The following INPP5B variants were observed in gnomAD, a reference collection of about 807,000 sequenced individuals.
INPP5B encodes the protein type II inositol 1,4,5-trisphosphate 5-phosphatase.
A neutral mutation model predicts 118.5 loss-of-function variants in INPP5B; 90 were observed. That is an observed-to-expected ratio of 0.76 (90% CI 0.64 to 0.90). The LOEUF is 0.90. INPP5B is among the 40% of genes least tolerant of loss of function. INPP5B has a pLI of 0.00. For synonymous variants in INPP5B, 385 were observed against 418.9 expected (o/e 0.92, Z 0.99); for missense variants, 984 against 1,125.6 (o/e 0.87, Z 1.80).
chr1:37,892,692 C>T (rs1046254185), intron 7 of INPP5B, among the ~76,000 whole-genome samples: 2 of 152,186 alleles, frequency 1.3e-5, no homozygotes, highest in African/African-American at 2.4e-5. Flanking sequence ...AATAATTACA[C>T]CTCAATGCCT....
chr1:37,923,036 G>A (rs12723117), intron 7 of INPP5B, among the ~76,000 whole-genome samples: 87,844 of 151,996 alleles, frequency 0.58, 27,668 homozygotes, highest in Non-Finnish European at 0.71. Context: ...ACCAGGAAGC[G>A]GGGAGGGCAA....
chr1:37,883,045 G>C, intron 13 of INPP5B, 127 bp from the exon 14 acceptor site: 1 of 1,445,778 alleles, frequency 6.9e-7, no homozygotes, highest in Non-Finnish European at 9.1e-7. Flanking sequence ...TGGCTCAACT[G>C]TTCGGAAAAT....
rs369913128 is a variant in INPP5B at position 37,868,481 on chromosome 1, A to G, written c.2301+20T>C. The G allele has an allele frequency of 9.0e-6, 14 of 1,561,010 alleles. No individual in the cohort carries two copies. The African/African-American group carries it at 1.5e-4, about 17-fold the overall frequency. On this transcript the variant is annotated intron_variant, in intron 20 of 23. Transcript: ENST00000373024. ...GGCAGCCTGGCCTCAATCAGGTCTGAATGCTTAAACACAACCTACCTGCTG... is the reference window on the plus strand; with the variant it reads ...GGCAGCCTGGCCTCAATCAGGTCTGGATGCTTAAACACAACCTACCTGCTG...
chr1:37,906,047 GTGCAATAAGAATCTGTTTCTTTT>G (rs1179335038), intron 7 of INPP5B, among the ~76,000 whole-genome samples: 12 of 152,192 alleles, frequency 7.9e-5, no homozygotes, highest in African/African-American at 2.9e-4. Flanking sequence ...ATTTGCATAA[GTGCAATAAGAATCTGTTTCTTTT>G]TGCAATAGGA....
At chr1:37,925,343 C>T (rs1645189459) in intron 7 of INPP5B, among the ~76,000 whole-genome samples, 1 of 152,134 alleles carries the variant, frequency 6.6e-6, no homozygotes, top group African/African-American at 2.4e-5. Flanking sequence ...TCTTCTCATT[C>T]ATATTTGCTA....
Position 37,908,618 on chromosome 1 carries a change from A to T in INPP5B, c.533-17164T>A, listed in dbSNP as rs138235177. Among the ~76,000 whole-genome samples the T allele has an allele frequency of 3.0e-3, 460 of 151,514 alleles. 3 individuals are homozygous for T. Among genetic ancestry groups the T allele is most frequent in the African/African-American group, 0.011 (442 of 41,334 alleles). ...AAAAAGAGACAAGGAGACACATTTT[A>T]TCCGTGGACCCAAAACTCTGGCGCC... On this transcript the variant is annotated intron_variant, in intron 7 of 23. Coordinates refer to ENST00000373024, the MANE Select transcript of INPP5B (RefSeq NM_005540.3).
At chr1:37,934,893 C>CT (rs138547948) in intron 6 of INPP5B, among the ~76,000 whole-genome samples, 39,023 of 148,212 alleles carry the variant, frequency 0.26, 5,692 homozygotes, top group Non-Finnish European at 0.33. Context: ...AGGCGGTGTT[C>CT]TTTTTTTTTT....
In INPP5B at chr1:37,860,843, G is replaced by C. The variant is rs924201083; in HGVS notation, c.*1472C>G. 2 of 152,146 alleles carry C rather than the reference G, an allele frequency of 1.3e-5. No individual in the cohort carries two copies. Among genetic ancestry groups the C allele is most frequent in the African/African-American group, 4.8e-5 (2 of 41,398 alleles). The allele number at this position is 152,146 out of a possible 1,614,324, so 9.4% of individuals were successfully genotyped here. On this transcript the variant is annotated 3_prime_UTR_variant, in exon 24 of 24. Transcript: ENST00000373024. ...TCAGTGATTTTACATTTTATTTTTAGAGACGGGGTCTCCCTCTCTCACCCG... is the reference window on the plus strand; with the variant it reads ...TCAGTGATTTTACATTTTATTTTTACAGACGGGGTCTCCCTCTCTCACCCG...
chr1:37,878,465 T>C (rs1642979690), intron 15 of INPP5B, 142 bp from the exon 16 acceptor site: 1 of 1,457,226 alleles, frequency 6.9e-7, no homozygotes, highest in South Asian at 1.4e-5. Flanking sequence ...CAAGAGCAAT[T>C]CGGGCCCACC....
chr1:37,903,910 T>C (rs1469502743), intron 7 of INPP5B, among the ~76,000 whole-genome samples: 1 of 152,142 alleles, frequency 6.6e-6, no homozygotes, highest in Admixed American at 6.5e-5. Flanking sequence ...TAAAATATTT[T>C]TTGTCAGAAA....
chr1:37,889,492 G>T, intron 9 of INPP5B, 65 bp downstream of exon 9: 1 of 1,293,594 alleles, frequency 7.7e-7, no homozygotes, highest in Non-Finnish European at 1.1e-6. Flanking sequence ...AGGAGGAAGT[G>T]CTCAAATTCC....
chr1:37,863,137 A>G (rs1165372885), intron 23 of INPP5B, among the ~76,000 whole-genome samples: 1 of 149,266 alleles, frequency 6.7e-6, no homozygotes, highest in Non-Finnish European at 1.5e-5. Context: ...GTTGGCTGTG[A>G]GGGCCTGGGT....
At chr1:37,933,642 C>T (rs745423078) in intron 6 of INPP5B, among the ~76,000 whole-genome samples, 4 of 151,868 alleles carry the variant, frequency 2.6e-5, no homozygotes. Flanking sequence ...ATAACCTGAA[C>T]CTGGGAGGTG....
chr1:37,875,508 C>T lies in INPP5B; in HGVS notation c.1788+98G>A, dbSNP rs1354086659. 4 of 799,894 alleles carry T rather than the reference C, an allele frequency of 5.0e-6. No individual in the cohort carries two copies. The Admixed American group carries it at 6.1e-5, about 12-fold the overall frequency. The allele number at this position is 799,894 out of a possible 1,614,324, so 49.5% of individuals were successfully genotyped here. ...TGGTCTTGATCTCCTGACCTCATGACCTGCCCACCTTGGCCTCCCAAAGTG... is the reference window on the plus strand; with the variant it reads ...TGGTCTTGATCTCCTGACCTCATGATCTGCCCACCTTGGCCTCCCAAAGTG... On this transcript the variant is annotated intron_variant, in intron 17 of 23. Coordinates refer to ENST00000373024, the MANE Select transcript of INPP5B (RefSeq NM_005540.3).
At chr1:37,869,335 G>T (rs1179228365) in intron 19 of INPP5B, among the ~76,000 whole-genome samples, 1 of 151,192 alleles carries the variant, frequency 6.6e-6, no homozygotes, top group East Asian at 1.9e-4. Context: ...TTTTGAGGTG[G>T]GGTCTCGCTA....
chr1:37,917,387 G>A (rs770065960), intron 7 of INPP5B, among the ~76,000 whole-genome samples: 5 of 139,184 alleles, frequency 3.6e-5, no homozygotes, highest in East Asian at 4.6e-4. Context: ...GCAGTAGCGC[G>A]ATCTCGGCTC....
chr1:37,911,577 CT>C (rs1644700418), intron 7 of INPP5B, among the ~76,000 whole-genome samples: 2 of 152,178 alleles, frequency 1.3e-5, no homozygotes, highest in South Asian at 4.1e-4. Context: ...CTCTGACCCC[CT>C]CCACTACCTC....
At position 37,875,370 on chromosome 1, in the gene INPP5B, G is replaced by A. The variant is rs1268202510; in HGVS notation, c.1788+236C>T. On this transcript the variant is annotated intron_variant, in intron 17 of 23. Transcript: ENST00000373024. The stretch of plus-strand genomic sequence containing the variant: ...TGCAAGCTCCACCTCCCAGGTTCAC[G>A]TCATTCTCCTGTCTCAGCCTCCCGA... Among the ~76,000 whole-genome samples the A allele has an allele frequency of 2.0e-5, 3 of 152,118 alleles. No homozygotes were observed. The East Asian group carries it at 5.8e-4, about 29-fold the overall frequency.
At chr1:37,895,664 C>T (rs1291241513) in intron 7 of INPP5B, among the ~76,000 whole-genome samples, 1 of 152,112 alleles carries the variant, frequency 6.6e-6, no homozygotes, top group Non-Finnish European at 1.5e-5. Flanking sequence ...AGGCGCGCGC[C>T]GCCACGCCTG....
Sources: allele counts gnomAD v4.1 joint callset (sites outside exome capture counted in the v4.1 genomes callset), GRCh38; gene constraint gnomAD v4.1.1; transcripts MANE v1.5; gene names NCBI Gene and HGNC (gene_info 2026-07-23, HGNC 2026-07-21).